INTS4: variants seen among roughly 807,000 people sequenced by gnomAD.
The protein encoded by INTS4 is integrator complex subunit 4.
Under a neutral mutation model 119.5 loss-of-function variants are expected in INTS4, and 70 were observed. The observed-to-expected ratio is 0.59, with a 90% CI of 0.48 to 0.71. The LOEUF (loss-of-function observed/expected upper bound fraction) is 0.71, where lower values mean the gene tolerates loss of function less well. INTS4 is among the 30% of genes least tolerant of loss of function. The pLI, the probability that INTS4 is intolerant of heterozygous loss-of-function variation, is 0.00. For missense variants in INTS4, 867 were observed against 1,173.2 expected, an observed-to-expected ratio of 0.74 and a Z score of 3.81; for synonymous variants, 316 against 419.6, an observed-to-expected ratio of 0.75 and a Z score of 3.02.
intron 7 of INTS4, 93 bp from the exon 8 acceptor site, chr11:77,956,155 T>C: frequency 6.8e-7 from 1 of 1,468,998 alleles, no homozygotes; most frequent in South Asian, 1.4e-5. Flanking sequence ...ACATCTATAA[T>C]CCCAACACTT....
At chr11:77,962,362 T>C (rs1229420510) in intron 4 of INTS4, among the ~76,000 whole-genome samples, 4 of 152,254 alleles carry the variant, frequency 2.6e-5, no homozygotes, top group Non-Finnish European at 5.9e-5. Flanking sequence ...ATAAGTGTTC[T>C]AGATGTGCCA....
At chr11:77,953,586 A>T (rs1223077239) in intron 8 of INTS4, among the ~76,000 whole-genome samples, 1 of 103,056 alleles carries the variant, frequency 9.7e-6, no homozygotes, top group Non-Finnish European at 2.2e-5. Context: ...AAAGTTAAAC[A>T]ATTTTTTTTT....
At chr11:77,883,997 AT>A in intron 21 of INTS4, 45 bp from the exon 22 acceptor site, 1 of 1,586,978 alleles carries the variant, frequency 6.3e-7, no homozygotes, top group Admixed American at 1.7e-5. Context: ...CGAGAGGAGC[AT>A]TTAACAAAAT....
intron 18 of INTS4, among the ~76,000 whole-genome samples, chr11:77,897,870 A>G (rs769642243): frequency 1.3e-5 from 2 of 152,024 alleles, no homozygotes; most frequent in Non-Finnish European, 2.9e-5. Flanking sequence ...GTGCAATAGC[A>G]TGATCATAGC....
At position 77,879,143 on chromosome 11, in the gene INTS4, A is replaced by C. The variant is rs777576154; in HGVS notation, c.2714-16T>G. 5.0e-6 allele frequency: 8 copies of C among 1,613,636 alleles called. No individual in the cohort carries two copies. Among genetic ancestry groups the C allele is most frequent in the Non-Finnish European group, 8.5e-7 (1 of 1,179,756 alleles). ...TGGCATGCCTCTGAAAAAAAGATAA[A>C]AGAAATCCTCTATAACTAGGCAACT... is the stretch of plus-strand genomic sequence containing the variant. On this transcript the variant is annotated splice_polypyrimidine_tract_variant and intron_variant, in intron 22 of 22. Coordinates refer to ENST00000534064, the MANE Select transcript of INTS4 (RefSeq NM_033547.4).
rs1459134869 is a variant in INTS4 at position 77,965,235 on chromosome 11, G to A, written c.472-4097C>T. Among the ~76,000 whole-genome samples, 6 of 152,050 alleles carry A rather than the reference G, an allele frequency of 3.9e-5. No homozygotes were observed. The East Asian group carries it at 9.6e-4, about 24-fold the overall frequency. ...CCCAGCTACTTTTTTTACTTCTGTA[G>A]AGACAGAGTCTCACCACATTTGCCC... On this transcript the variant is annotated intron_variant, in intron 4 of 22. Transcript: ENST00000534064.
rs557024662 is a variant in INTS4 at position 77,983,615 on chromosome 11, T to A, written c.247-2039A>T. ...TCACTAATCATTACAGAAATGCAAA[T>A]CAAAACTACAATGAGACACCATCTC... On this transcript the variant is annotated intron_variant, in intron 2 of 22. Coordinates refer to ENST00000534064, the MANE Select transcript of INTS4 (RefSeq NM_033547.4). 3.3e-5 allele frequency among the ~76,000 whole-genome samples: 5 copies of A among 152,114 alleles called. No homozygotes were observed. The East Asian group carries it at 9.6e-4, about 29-fold the overall frequency.
intron 21 of INTS4, among the ~76,000 whole-genome samples, chr11:77,885,268 G>A (rs1163860481): frequency 6.6e-6 from 1 of 151,794 alleles, no homozygotes; most frequent in African/African-American, 2.4e-5. Flanking sequence ...GTAGAGATGG[G>A]GTTTCACCAT....
intron 10 of INTS4, among the ~76,000 whole-genome samples, chr11:77,930,933 C>T (rs142529736): frequency 1.1e-3 from 175 of 152,314 alleles, no homozygotes; most frequent in African/African-American, 4.0e-3. Context: ...TCAGCATCTG[C>T]ACATGTATAA....
chr11:77,887,971 T>A (rs1176034532), intron 21 of INTS4, among the ~76,000 whole-genome samples: 1 of 152,148 alleles, frequency 6.6e-6, no homozygotes, highest in Non-Finnish European at 1.5e-5. Context: ...GTAGGAAGAA[T>A]CAATATTGTG....
In INTS4 at chr11:77,991,068, C is replaced by T. The variant is rs767221632; in HGVS notation, c.246+40G>A. On this transcript the variant is annotated intron_variant, in intron 2 of 22. Transcript: ENST00000534064. ...ACCATTCTGCAGACATGATACAACT[C>T]CCATGATATACTCCCATCAGATCCT... 9.8e-6 allele frequency: 15 copies of T among 1,538,036 alleles called. 1 individual carries two copies. In the South Asian group the frequency reaches 1.4e-4, roughly 14 times the overall value.
intron 4 of INTS4, among the ~76,000 whole-genome samples, chr11:77,967,514 T>G (rs1481681208): frequency 6.6e-6 from 1 of 152,164 alleles, no homozygotes; most frequent in Non-Finnish European, 1.5e-5. Context: ...ATCCCGTAAG[T>G]GAACTGTTGG....
chr11:77,880,201 T>C (rs1313998742), intron 22 of INTS4, among the ~76,000 whole-genome samples: 1 of 152,024 alleles, frequency 6.6e-6, no homozygotes, highest in African/African-American at 2.4e-5. Flanking sequence ...GTTCAGAGGG[T>C]AGGAATGAAG....
chr11:77,984,791 G>C (rs1856386077), intron 2 of INTS4, among the ~76,000 whole-genome samples: 1 of 150,604 alleles, frequency 6.6e-6, no homozygotes, highest in Admixed American at 6.6e-5. Context: ...TGAGAGGATT[G>C]CATAAGCCTG....
Position 77,922,451 on chromosome 11 carries a change from C to G in INTS4, c.1535G>C (p.Ser512Thr), listed in dbSNP as rs533667444. The G allele has an allele frequency of 6.8e-7, 1 of 1,477,210 alleles. No homozygotes were observed. Among genetic ancestry groups the G allele is most frequent in the East Asian group, 2.4e-5 (1 of 42,102 alleles). 91.5% of individuals were successfully genotyped at this position (1,477,210 alleles called of 1,614,324 possible). A position where few individuals can be genotyped will look rare whatever the true frequency, so the allele number is the denominator to read the frequency against. ...SIWKCLKFLGSRHPTLVLPLV... is the reference protein window; with the variant it reads ...SIWKCLKFLGTRHPTLVLPLV... ...GGGAAGCACCAGGGTTGGATGCCGA[C>G]TTCCCAGAAACTTCAAGCACCTGAA... is the stretch of plus-strand genomic sequence containing the variant. Residue 512 changes from serine (S) to threonine (T), a missense_variant, in exon 13 of 23, where the codon AGT (serine) becomes ACT (threonine). Physicochemically the swap from Ser to Thr is moderately conservative, Grantham distance 58. Around this residue, in one of 5 missense-constraint regions of INTS4, gnomAD observed 51 missense variants for 125.5 expected, o/e 0.41. Coordinates refer to ENST00000534064, the MANE Select transcript of INTS4 (RefSeq NM_033547.4).
intron 8 of INTS4, among the ~76,000 whole-genome samples, chr11:77,941,594 G>C (rs1317650437): frequency 3.3e-5 from 5 of 152,064 alleles, no homozygotes; most frequent in Non-Finnish European, 7.4e-5. Flanking sequence ...CTCCTGAGTA[G>C]CTGGGATTAC....
At chr11:77,885,359 G>T (rs1473064796) in intron 21 of INTS4, among the ~76,000 whole-genome samples, 5 of 152,076 alleles carry the variant, frequency 3.3e-5, no homozygotes, top group Non-Finnish European at 5.9e-5. Flanking sequence ...TTACAGGCGT[G>T]AGCCACCACA....
rs1249938787 is a variant in INTS4, at chr11:77,879,015, G to A, written c.2826C>T (p.Ile942=). 5.0e-6 allele frequency: 8 copies of A among 1,614,002 alleles called. No individual in the cohort carries two copies. The highest frequency in any genetic ancestry group is 1.6e-4 in the Middle Eastern group (1 of 6,082). Residue 942 remains isoleucine (I), a synonymous_variant, in exon 23 of 23, where the codon ATC becomes ATT. Coordinates refer to ENST00000534064, the MANE Select transcript of INTS4 (RefSeq NM_033547.4). ...GEMSPQVETS[I]EGTIPFSKPV... ...GCTTGCTGAAGGGAATGGTGCCCTC[G>A]ATGCTGGTTTCCACCTGTGGTGACA...
intron 17 of INTS4, among the ~76,000 whole-genome samples, chr11:77,902,935 T>C (rs1374353597): frequency 1.3e-5 from 2 of 152,212 alleles, no homozygotes; most frequent in Admixed American, 6.5e-5. Context: ...CATTTTCAGA[T>C]GAAAGATTCA....
Sources: allele counts gnomAD v4.1 joint callset (sites outside exome capture counted in the v4.1 genomes callset), GRCh38; gene constraint gnomAD v4.1.1; regional missense constraint gnomAD v4.1.1; transcripts MANE v1.5; gene names NCBI Gene and HGNC (gene_info 2026-07-23, HGNC 2026-07-21).